UBE2V1: variants seen among roughly 807,000 people sequenced by gnomAD.
UBE2V1 encodes the protein ubiquitin-conjugating enzyme E2 variant 1.
A neutral mutation model predicts 19.6 loss-of-function variants in UBE2V1; 15 were observed. The observed-to-expected ratio is 0.77, with a 90% CI of 0.51 to 1.18. The LOEUF (loss-of-function observed/expected upper bound fraction) is 1.18. UBE2V1 is among the 50% of genes most tolerant of loss of function. UBE2V1 has a pLI of 0.00. For missense variants in UBE2V1, 125 were observed against 184.8 expected, an observed-to-expected ratio of 0.68 and a Z score of 1.88; for synonymous variants, 60 against 60.7, an observed-to-expected ratio of 0.99 and a Z score of 0.05.
At chr20:50,090,212 T>C (rs965108808) in intron 2 of UBE2V1, among the ~76,000 whole-genome samples, 3 of 152,206 alleles carry the variant, frequency 2.0e-5, no homozygotes, top group African/African-American at 7.2e-5. Flanking sequence ...TGGGTATCAA[T>C]CCAAAGGAAA....
chr20:50,105,579 A>G (rs550624326), intron 1 of UBE2V1, among the ~76,000 whole-genome samples: 3 of 152,364 alleles, frequency 2.0e-5, no homozygotes, highest in Admixed American at 6.5e-5. Context: ...AGGATTCCCA[A>G]TATTTCTGTG....
intron 1 of UBE2V1, among the ~76,000 whole-genome samples, chr20:50,104,207 G>A (rs2080199564): frequency 6.7e-6 from 1 of 149,668 alleles, no homozygotes; most frequent in Non-Finnish European, 1.5e-5. Flanking sequence ...GCTTGAACCT[G>A]GGAGGCGGAG....
At chr20:50,107,195 C>G in intron 1 of UBE2V1, among the ~76,000 whole-genome samples, 2 of 152,188 alleles carry the variant, frequency 1.3e-5, no homozygotes, top group Non-Finnish European at 2.9e-5. Flanking sequence ...AAGTTAGTCC[C>G]CAGACCTCAT....
intron 2 of UBE2V1, among the ~76,000 whole-genome samples, chr20:50,094,099 C>T (rs2079437959): frequency 8.0e-6 from 1 of 124,992 alleles, no homozygotes; most frequent in African/African-American, 3.1e-5. Flanking sequence ...GGAGGATTTG[C>T]TTTTATTTAA....
At position 50,082,588 on chromosome 20, in the gene UBE2V1, A is replaced by T. The variant is rs577095993; in HGVS notation, c.*180T>A. 1 of 1,187,598 alleles carries T rather than the reference A, an allele frequency of 8.4e-7. No individual in the cohort carries two copies. The highest frequency in any genetic ancestry group is 1.1e-6 in the Non-Finnish European group (1 of 881,172). 73.6% of individuals were successfully genotyped at this position (1,187,598 alleles called of 1,614,324 possible). ...GTTATAGCACAACTTATATATTTCA[A>T]ATGGACAAAAAATTAGTATCATTTA... On this transcript the variant is annotated 3_prime_UTR_variant, in exon 4 of 4. Transcript: ENST00000371674.
chr20:50,114,125 A>G (rs900317705), upstream of UBE2V1, among the ~76,000 whole-genome samples: 1 of 152,194 alleles, frequency 6.6e-6, no homozygotes, highest in Non-Finnish European at 1.5e-5. Flanking sequence ...TAAACCCAAG[A>G]AGGTACTCCT....
chr20:50,110,319 T>A (rs1427922702), intron 1 of UBE2V1, among the ~76,000 whole-genome samples: 1 of 152,222 alleles, frequency 6.6e-6, no homozygotes, highest in Non-Finnish European at 1.5e-5. Flanking sequence ...TATGTAGATA[T>A]CACACATTGC....
At chr20:50,105,396 A>G (rs1037032469) in intron 1 of UBE2V1, among the ~76,000 whole-genome samples, 2 of 152,266 alleles carry the variant, frequency 1.3e-5, no homozygotes, top group African/African-American at 2.4e-5. Context: ...TCCTAAATAG[A>G]GTTTAAATTC....
intron 2 of UBE2V1, among the ~76,000 whole-genome samples, chr20:50,086,819 T>TA (rs1250311788): frequency 6.6e-6 from 1 of 152,150 alleles, no homozygotes; most frequent in Non-Finnish European, 1.5e-5. Context: ...GGCTCACGCC[T>TA]GTAATCCCAG....
At chr20:50,095,931 G>C (rs78726982) in intron 2 of UBE2V1, 1 of 152,254 alleles carries the variant, frequency 6.6e-6, no homozygotes, top group Non-Finnish European at 1.5e-5. Context: ...TACCAGCTAT[G>C]TGACTTTGGG....
At chr20:50,115,566 C>T, upstream of UBE2V1, 1 of 1,556,492 alleles carries the variant, frequency 6.4e-7, no homozygotes, top group Non-Finnish European at 8.7e-7. Context: ...GCTTGAACCT[C>T]TCCTGGCATC....
intron 1 of UBE2V1, chr20:50,099,029 T>C (rs1286867621): frequency 4.2e-6 from 4 of 946,816 alleles, no homozygotes; most frequent in East Asian, 1.2e-4. Flanking sequence ...ACAACACAAC[T>C]ATTGTTCAGA....
At chr20:50,104,142 C>T (rs1274175818) in intron 1 of UBE2V1, among the ~76,000 whole-genome samples, 5 of 149,914 alleles carry the variant, frequency 3.3e-5, no homozygotes, top group Admixed American at 6.7e-5. Context: ...ATTAGCTGGG[C>T]GTGGTGGTGC....
intron 1 of UBE2V1, chr20:50,109,056 C>T (rs1352114737): frequency 2.0e-6 from 2 of 985,334 alleles, no homozygotes; most frequent in East Asian, 2.3e-4. Flanking sequence ...TCTCCCTTGG[C>T]TTTTGGCTCC....
intron 1 of UBE2V1, among the ~76,000 whole-genome samples, chr20:50,102,540 G>A (rs555867354): frequency 6.6e-6 from 1 of 152,036 alleles, no homozygotes; most frequent in African/African-American, 2.4e-5. Context: ...CCTCCCACAT[G>A]CGCTACCATG....
intron 1 of UBE2V1, among the ~76,000 whole-genome samples, chr20:50,110,162 G>A (rs1001063663): frequency 1.3e-5 from 2 of 152,250 alleles, no homozygotes; most frequent in African/African-American, 4.8e-5. Context: ...AAGCTCGTGG[G>A]CTGCTGAGTG....
upstream of UBE2V1, chr20:50,113,240 C>T: frequency 2.4e-6 from 2 of 821,590 alleles, no homozygotes; most frequent in Non-Finnish European, 1.7e-6. Flanking sequence ...CTGACGCCCG[C>T]CCCGGAGACC....
chr20:50,112,996 G>A (rs2080869154), intron 1 of UBE2V1, 111 bp downstream of exon 1: 1 of 457,234 alleles, frequency 2.2e-6, no homozygotes, highest in Non-Finnish European at 3.6e-6. Context: ...GAGCCCAGCA[G>A]ACAGAGGCGG....
chr20:50,113,799 A>G (rs79853853), upstream of UBE2V1, among the ~76,000 whole-genome samples: 2 of 126,148 alleles, frequency 1.6e-5, no homozygotes, highest in East Asian at 4.4e-4. Flanking sequence ...TCATTCGTTC[A>G]TTCATTCATT....
Sources: gnomAD v4.1 joint callset for allele counts (sites outside exome capture counted in the v4.1 genomes callset) on GRCh38, gnomAD v4.1.1 for gene constraint, MANE v1.5 for transcripts, NCBI Gene and HGNC (gene_info 2026-07-23, HGNC 2026-07-21) for gene names.